ERMP1: variants seen among roughly 807,000 people sequenced by gnomAD.
The protein encoded by ERMP1 is endoplasmic reticulum metallopeptidase 1, also known as Felix-ina.
ERMP1 carries 86 observed loss-of-function variants against 92.0 expected under a neutral mutation model. That is an observed-to-expected ratio of 0.93 (90% confidence interval 0.79 to 1.12). The LOEUF (loss-of-function observed/expected upper bound fraction) is 1.12. Ranked by LOEUF, ERMP1 falls within the 50% of genes most tolerant of loss-of-function variation. The probability of loss-of-function intolerance (pLI) is 0.00; values close to 1 mark genes in which losing one functional copy is unlikely to be tolerated. For missense variants in ERMP1, 1,342 were observed against 1,116.3 expected, an observed-to-expected ratio of 1.20 and a Z score of -2.88; for synonymous variants, 530 against 412.8, an observed-to-expected ratio of 1.28 and a Z score of -3.44.
chr9:5,789,116 A>G (rs1387851989), intron 13 of ERMP1, among the ~76,000 whole-genome samples: 1 of 152,200 alleles, frequency 6.6e-6, no homozygotes. Context: ...CTGTAATCCA[A>G]GAAAGCATTC....
rs1232359562 is a variant in ERMP1, at chr9:5,811,330, G to T, written c.1115-7C>A. ...ACTGCTAAAATGTTGTCACCTATTA[G>T]TAAAAACAAAAAAAAAAAGAAAGAA... is the stretch of plus-strand genomic sequence containing the variant. On this transcript the variant is annotated splice_polypyrimidine_tract_variant and splice_region_variant and intron_variant, in intron 6 of 14. Coordinates refer to ENST00000339450, the MANE Select transcript of ERMP1 (RefSeq NM_024896.3). 3.3e-6 allele frequency: 5 copies of T among 1,533,484 alleles called. No individual in the cohort carries two copies. Among genetic ancestry groups the T allele is most frequent in the Non-Finnish European group, 4.4e-6 (5 of 1,133,188 alleles). The allele number at this position is 1,533,484 out of a possible 1,614,324, so 95.0% of individuals were successfully genotyped here.
intron 6 of ERMP1, among the ~76,000 whole-genome samples, chr9:5,847,764 AG>A (rs1332865224): frequency 1.3e-5 from 2 of 151,286 alleles, no homozygotes; most frequent in Non-Finnish European, 3.0e-5. Context: ...GCGTGGTGGC[AG>A]GCGCCTGTAG....
chr9:5,823,996 A>C lies in ERMP1; in HGVS notation c.774T>G (p.Ser258Arg). ...AGGGGTGCTGAGTAATGAAACCATG[A>C]CTGGCCTTAAAGAGAAGGAAAGAAA... ...NGAEENVLQA[S>R]HGFITQHPWA... The change falls in exon 4 of 15, where the codon AGT becomes AGG. Residue 258 changes from serine to arginine, a missense_variant. Transcript: ENST00000339450. 1.9e-6 allele frequency: 3 copies of C among 1,610,636 alleles called. No individual in the cohort carries two copies. The highest frequency in any genetic ancestry group is 2.5e-6 in the Non-Finnish European group (3 of 1,177,934).
At chr9:5,788,437 C>A (rs1828030852) in intron 13 of ERMP1, among the ~76,000 whole-genome samples, 1 of 152,188 alleles carries the variant, frequency 6.6e-6, no homozygotes, top group Non-Finnish European at 1.5e-5. Context: ...GAAGAGGAAT[C>A]CTTTGGCATT....
intron 6 of ERMP1, among the ~76,000 whole-genome samples, 156 bp downstream of exon 6, chr9:5,811,969 A>C (rs929546397): frequency 6.6e-6 from 1 of 152,054 alleles, no homozygotes; most frequent in African/African-American, 2.4e-5. Flanking sequence ...TACAAGACTA[A>C]AATTCAAGAT....
intron 13 of ERMP1, among the ~76,000 whole-genome samples, chr9:5,795,920 T>C (rs1042032608): frequency 2.0e-5 from 3 of 152,192 alleles, no homozygotes; most frequent in Non-Finnish European, 4.4e-5. Context: ...TGAAACTCAG[T>C]TGCTTTCCTG....
chr9:5,855,534 G>T (rs1586842319), intron 6 of ERMP1, among the ~76,000 whole-genome samples: 2 of 152,246 alleles, frequency 1.3e-5, no homozygotes, highest in South Asian at 4.1e-4. Context: ...AGCTTAGACT[G>T]TATGCTGTTT....
chr9:5,866,736 A>G (rs1830676463), intron 5 of ERMP1, among the ~76,000 whole-genome samples: 2 of 152,328 alleles, frequency 1.3e-5, no homozygotes, highest in South Asian at 4.2e-4. Flanking sequence ...AGTGGCGATG[A>G]GAGGGTCAGA....
Position 5,785,594 on chromosome 9 carries a change from T to G in ERMP1, c.*1550A>C, listed in dbSNP as rs532556650. On this transcript the variant is annotated 3_prime_UTR_variant, in exon 15 of 15. Transcript: ENST00000339450. ...AGTTAGTTTTTAGGGAGTCACAGAT[T>G]AGGCAGGCAACGAGGGGCATGATTT... is the stretch of plus-strand genomic sequence containing the variant. 6.6e-6 allele frequency: 1 copy of G among 152,592 alleles called. No individual in the cohort carries two copies. The highest frequency in any genetic ancestry group is 6.6e-5 in the Admixed American group (1 of 15,266). 9.5% of individuals were successfully genotyped at this position (152,592 alleles called of 1,614,324 possible). A position where few individuals can be genotyped will look rare whatever the true frequency, so the allele number is the denominator to read the frequency against.
At chr9:5,842,810 C>T (rs1005853584) in intron 6 of ERMP1, among the ~76,000 whole-genome samples, 2 of 152,184 alleles carry the variant, frequency 1.3e-5, no homozygotes, top group Admixed American at 6.5e-5. Context: ...TTCTGATCTC[C>T]GTTTTTTAAA....
intron 10 of ERMP1, 90 bp downstream of exon 10, chr9:5,804,937 A>G: frequency 2.1e-6 from 2 of 956,458 alleles, no homozygotes; most frequent in South Asian, 3.4e-5. Context: ...TCAATAAAGT[A>G]CACGTAACAC....
chr9:5,809,122 C>T (rs1013783230), intron 8 of ERMP1, among the ~76,000 whole-genome samples: 2 of 152,060 alleles, frequency 1.3e-5, no homozygotes, highest in Admixed American at 6.5e-5. Flanking sequence ...CCCGGGTTCA[C>T]GCCATTCTCC....
Position 5,785,005 on chromosome 9 carries a change from C to T in ERMP1, c.*2139G>A, listed in dbSNP as rs992819515. 2 of 152,092 alleles carry T rather than the reference C, an allele frequency of 1.3e-5. No individual in the cohort carries two copies. Among genetic ancestry groups the T allele is most frequent in the African/African-American group, 2.4e-5 (1 of 41,414 alleles). The allele number at this position is 152,092 out of a possible 1,614,324, so 9.4% of individuals were successfully genotyped here. On this transcript the variant is annotated 3_prime_UTR_variant, in exon 15 of 15. Coordinates refer to ENST00000339450, the MANE Select transcript of ERMP1 (RefSeq NM_024896.3). ...AGAATCTACTAATGTGACAGACAAA[C>T]GGTATGCTTAACAGAGTCATAAATA...
intron 2 of ERMP1, among the ~76,000 whole-genome samples, chr9:5,829,072 T>C (rs1033791750): frequency 1.3e-5 from 2 of 151,910 alleles, no homozygotes; most frequent in South Asian, 2.1e-4. Context: ...GGTGAAACCC[T>C]GTCGCTGCCA....
chr9:5,836,466 G>A (rs563878041), upstream of ERMP1, among the ~76,000 whole-genome samples: 1 of 152,332 alleles, frequency 6.6e-6, no homozygotes, highest in Non-Finnish European at 1.5e-5. Context: ...CTGACAGGCA[G>A]AGCAAGTCAA....
At chr9:5,788,970 C>T (rs905765114) in intron 13 of ERMP1, among the ~76,000 whole-genome samples, 2 of 151,900 alleles carry the variant, frequency 1.3e-5, no homozygotes, top group Admixed American at 6.6e-5. Flanking sequence ...AGGAGAAATA[C>T]TAAGAAAATT....
intron 4 of ERMP1, among the ~76,000 whole-genome samples, chr9:5,821,203 A>T (rs1354214562): frequency 6.6e-6 from 1 of 152,228 alleles, no homozygotes; most frequent in Non-Finnish European, 1.5e-5. Context: ...ACATTGCAAA[A>T]ATTTAAATAC....
chr9:5,851,516 G>A (rs1194749949), intron 6 of ERMP1, among the ~76,000 whole-genome samples: 4 of 152,186 alleles, frequency 2.6e-5, no homozygotes, highest in Non-Finnish European at 4.4e-5. Context: ...GAAGTGGGAG[G>A]AGGCGAGGGA....
chr9:5,797,969 A>C (rs1320571821), intron 12 of ERMP1, 37 bp from the exon 13 acceptor site: 1 of 1,262,548 alleles, frequency 7.9e-7, no homozygotes, highest in Non-Finnish European at 1.2e-6. Flanking sequence ...AGGGTGCTTT[A>C]TTATTTGATG....
Sources: gnomAD v4.1 joint callset for allele counts (sites outside exome capture counted in the v4.1 genomes callset) on GRCh38, gnomAD v4.1.1 for gene constraint, MANE v1.5 for transcripts, NCBI Gene and HGNC (gene_info 2026-07-23, HGNC 2026-07-21) for gene names.